Variants in SPATA17 observed in about 807,000 individuals in gnomAD.
SPATA17 encodes the protein spermatogenesis associated 17, also known as spermatogenesis-associated protein 17.
A neutral mutation model predicts 62.2 loss-of-function variants in SPATA17; 53 were observed. The observed-to-expected ratio is 0.85, with a 90% confidence interval of 0.68 to 1.07. The LOEUF is 1.07. SPATA17 is among the 50% of genes least tolerant of loss of function. The probability of loss-of-function intolerance (pLI) is 0.00; values close to 1 mark genes in which losing one functional copy is unlikely to be tolerated. For synonymous variants in SPATA17, 146 were observed against 146.8 expected, an observed-to-expected ratio of 0.99 and a Z score of 0.04; for missense variants, 466 against 425.5, an observed-to-expected ratio of 1.10 and a Z score of -0.84.
At chr1:217,639,605 C>G (rs1205186836) in intron 1 of SPATA17, among the ~76,000 whole-genome samples, 1 of 152,040 alleles carries the variant, frequency 6.6e-6, no homozygotes, top group African/African-American at 2.4e-5. Context: ...TTAATTAAGA[C>G]AAATTAATCT....
At chr1:217,718,728 G>C (rs1032965857) in intron 5 of SPATA17, among the ~76,000 whole-genome samples, 1 of 152,108 alleles carries the variant, frequency 6.6e-6, no homozygotes, top group Admixed American at 6.6e-5. Context: ...AAAACAATCA[G>C]TCAATCTTAT....
rs373024679 is a variant in SPATA17, at chr1:217,724,983, A to G, written c.396-16992A>G. ...AGATTCTGAAACATGTTGGCCTTTC[A>G]GTTCTTTATATGGTTATATTTACCA... On this transcript the variant is annotated intron_variant, in intron 5 of 10. Transcript: ENST00000366933. Among the ~76,000 whole-genome samples the G allele has an allele frequency of 7.2e-5, 11 of 152,204 alleles. No individual in the cohort carries two copies. The East Asian group carries it at 1.7e-3, about 24-fold the overall frequency.
chr1:217,635,930 C>T (rs1223550704), intron 1 of SPATA17, among the ~76,000 whole-genome samples: 3 of 151,780 alleles, frequency 2.0e-5, no homozygotes, highest in African/African-American at 7.3e-5. Flanking sequence ...GTCAGGAATT[C>T]GAGACCAGCC....
chr1:217,760,677 A>G (rs1673151405), intron 6 of SPATA17, among the ~76,000 whole-genome samples: 1 of 152,222 alleles, frequency 6.6e-6, no homozygotes, highest in Admixed American at 6.5e-5. Flanking sequence ...ATAAAGTTTA[A>G]CAAATGCCCA....
At chr1:217,674,414 C>A (rs560928943) in intron 4 of SPATA17, among the ~76,000 whole-genome samples, 1 of 152,164 alleles carries the variant, frequency 6.6e-6, no homozygotes, top group Non-Finnish European at 1.5e-5. Flanking sequence ...GGAGGTGCCT[C>A]ATCTACTCAG....
intron 6 of SPATA17, among the ~76,000 whole-genome samples, chr1:217,748,293 A>G (rs1256641851): frequency 8.0e-6 from 1 of 124,552 alleles, no homozygotes; most frequent in Admixed American, 8.4e-5. Flanking sequence ...ACAGAGCGAG[A>G]CTCCATCTCA....
At chr1:217,634,178 C>T (rs1669885441) in intron 1 of SPATA17, among the ~76,000 whole-genome samples, 1 of 152,284 alleles carries the variant, frequency 6.6e-6, no homozygotes, top group African/African-American at 2.4e-5. Context: ...AGTGGGTTCA[C>T]CTTGCCTGTT....
intron 4 of SPATA17, among the ~76,000 whole-genome samples, chr1:217,672,780 AT>A (rs890384897): frequency 6.6e-6 from 1 of 151,908 alleles, no homozygotes; most frequent in African/African-American, 2.4e-5. Flanking sequence ...TTCCTTTTTT[AT>A]GTTCCTATTT....
intron 1 of SPATA17, among the ~76,000 whole-genome samples, chr1:217,634,720 T>G (rs1669899365): frequency 1.3e-5 from 2 of 152,210 alleles, no homozygotes; most frequent in South Asian, 4.1e-4. Context: ...ATTATCATCT[T>G]TGTTTTAAAC....
At chr1:217,793,332 C>T (rs531531066) in intron 8 of SPATA17, among the ~76,000 whole-genome samples, 10 of 151,184 alleles carry the variant, frequency 6.6e-5, no homozygotes, top group East Asian at 2.0e-4. Context: ...GCCATTCTCC[C>T]GCCTCAGCCT....
Position 217,774,473 on chromosome 1 carries a change from G to T in SPATA17, c.659G>T (p.Cys220Phe), listed in dbSNP as rs374424490. 120 of 1,613,974 alleles carry T rather than the reference G, an allele frequency of 7.4e-5. No individual in the cohort carries two copies. The highest frequency in any genetic ancestry group is 9.2e-5 in the Non-Finnish European group (109 of 1,180,010). The change falls in exon 7 of 11, where the codon TGT (cysteine) becomes TTT (phenylalanine). Residue 220 changes from cysteine to phenylalanine, a missense_variant. Cys to Phe is a radical substitution (Grantham distance 205). Coordinates refer to ENST00000366933, the MANE Select transcript of SPATA17 (RefSeq NM_138796.4). ...ACCAGCCTTACTGATTGGCTAGCTT[G>T]TACAAGCGCCCGTTCTTTTCCTCGG... ...DSTSLTDWLA[C>F]TSARSFPRSE... is the part of the protein sequence containing the mutation.
At chr1:217,777,251 A>T (rs1470521144) in intron 7 of SPATA17, among the ~76,000 whole-genome samples, 1 of 152,044 alleles carries the variant, frequency 6.6e-6, no homozygotes, top group African/African-American at 2.4e-5. Flanking sequence ...TCTCAAAACT[A>T]CTAACTGATA....
intron 5 of SPATA17, among the ~76,000 whole-genome samples, chr1:217,684,380 T>C (rs2102907129): frequency 6.6e-6 from 1 of 152,302 alleles, no homozygotes; most frequent in Middle Eastern, 3.4e-3. Context: ...CACTTCAAAA[T>C]ATTTTCTACA....
chr1:217,864,116 ATAATACCAAG>A (rs1675954084), intron 10 of SPATA17, among the ~76,000 whole-genome samples: 1 of 152,250 alleles, frequency 6.6e-6, no homozygotes, highest in Non-Finnish European at 1.5e-5. Flanking sequence ...AAATGTATAT[ATAATACCAAG>A]TGGAATTGCT....
chr1:217,668,571 C>A (rs1341215032), intron 3 of SPATA17, among the ~76,000 whole-genome samples: 1 of 152,136 alleles, frequency 6.6e-6, no homozygotes, highest in African/African-American at 2.4e-5. Context: ...TCACTGCATC[C>A]ATATCCTTGA....
intron 9 of SPATA17, among the ~76,000 whole-genome samples, chr1:217,828,651 A>G (rs1200449805): frequency 6.6e-6 from 1 of 151,916 alleles, no homozygotes; most frequent in Non-Finnish European, 1.5e-5. Context: ...AATCAACAAC[A>G]TGAAAAGGCA....
chr1:217,641,181 T>G (rs1241496159), intron 1 of SPATA17, among the ~76,000 whole-genome samples: 1 of 152,068 alleles, frequency 6.6e-6, no homozygotes, highest in Non-Finnish European at 1.5e-5. Flanking sequence ...CAACAAAATA[T>G]ATGAACAATT....
chr1:217,643,195 A>G (rs896895645), intron 1 of SPATA17, among the ~76,000 whole-genome samples: 1 of 152,090 alleles, frequency 6.6e-6, no homozygotes, highest in African/African-American at 2.4e-5. Context: ...ACCTTTTCTG[A>G]CAGAGAGAAA....
At chr1:217,647,925 G>A (rs746441699) in intron 1 of SPATA17, among the ~76,000 whole-genome samples, 3 of 151,920 alleles carry the variant, frequency 2.0e-5, no homozygotes, top group Admixed American at 6.6e-5. Flanking sequence ...GTTTCACCAC[G>A]TTGGCCAGGC....
Sources: gnomAD v4.1 joint callset for allele counts (sites outside exome capture counted in the v4.1 genomes callset) on GRCh38, gnomAD v4.1.1 for gene constraint, MANE v1.5 for transcripts, NCBI Gene and HGNC (gene_info 2026-07-23, HGNC 2026-07-21) for gene names.